The following MDGA2 variants were observed in gnomAD, a reference collection of about 807,000 sequenced individuals.
The protein encoded by MDGA2 is MAM domain containing glycosylphosphatidylinositol anchor 2.
In MDGA2, 40 loss-of-function variants were observed where a neutral mutation model predicts 117.8. The ratio of observed to expected loss-of-function variants is 0.34; its 90% CI spans 0.26 to 0.44. The LOEUF (loss-of-function observed/expected upper bound fraction) is 0.44. Among genes scored for constraint, MDGA2 ranks in the 20% least tolerant of loss-of-function variants. The pLI is 1.00. For synonymous variants in MDGA2, 452 were observed against 439.0 expected, an observed-to-expected ratio of 1.03 and a Z score of -0.37; for missense variants, 1,123 against 1,250.6, an observed-to-expected ratio of 0.90 and a Z score of 1.54.
At chr14:47,306,704 A>C (rs1014895609) in intron 1 of MDGA2, among the ~76,000 whole-genome samples, 1 of 152,162 alleles carries the variant, frequency 6.6e-6, no homozygotes, top group African/African-American at 2.4e-5. Context: ...AGTAGTGTGG[A>C]GAGAAGGATG....
chr14:47,415,859 G>T (rs138046760), intron 1 of MDGA2, among the ~76,000 whole-genome samples: 13 of 152,158 alleles, frequency 8.5e-5, no homozygotes, highest in Admixed American at 2.0e-4. Context: ...ACCTCTCTGG[G>T]GCCTCTTTTA....
chr14:46,905,435 G>A (rs751146670), intron 10 of MDGA2, among the ~76,000 whole-genome samples: 41 of 151,814 alleles, frequency 2.7e-4, no homozygotes, highest in African/African-American at 8.9e-4. Flanking sequence ...TATTTAAGTC[G>A]TTTTGAGATT....
chr14:47,053,884 A>T (rs1370280648), intron 7 of MDGA2, among the ~76,000 whole-genome samples: 1 of 151,798 alleles, frequency 6.6e-6, no homozygotes, highest in South Asian at 2.1e-4. Flanking sequence ...TTAAAACACT[A>T]TTTGGAAATC....
chr14:46,934,594 G>C (rs1187939141), intron 9 of MDGA2, among the ~76,000 whole-genome samples: 1 of 152,078 alleles, frequency 6.6e-6, no homozygotes, highest in Non-Finnish European at 1.5e-5. Flanking sequence ...TTGTCAGAAG[G>C]AAGAGAAGTT....
At chr14:47,128,024 G>A (rs1210933853) in intron 5 of MDGA2, among the ~76,000 whole-genome samples, 1 of 152,040 alleles carries the variant, frequency 6.6e-6, no homozygotes, top group Non-Finnish European at 1.5e-5. Context: ...TTCAAACACT[G>A]GAGTCAATCT....
chr14:47,480,371 T>C (rs191216855), intron 1 of MDGA2, among the ~76,000 whole-genome samples: 115 of 152,130 alleles, frequency 7.6e-4, no homozygotes, highest in African/African-American at 2.6e-3. Context: ...GCATGTCTTC[T>C]AAGCCTAAGC....
intron 1 of MDGA2, among the ~76,000 whole-genome samples, chr14:47,487,546 C>A (rs1031501420): frequency 1.3e-5 from 2 of 152,112 alleles, no homozygotes; most frequent in African/African-American, 4.8e-5. Context: ...ACTGAATAGT[C>A]ATAATTATTA....
intron 1 of MDGA2, among the ~76,000 whole-genome samples, chr14:47,525,820 T>C (rs960302327): frequency 2.6e-5 from 4 of 151,760 alleles, no homozygotes; most frequent in Admixed American, 2.0e-4. Flanking sequence ...CCTCCTGGAG[T>C]GTACAGACTT....
At chr14:47,170,429 C>T (rs1884073756) in intron 3 of MDGA2, among the ~76,000 whole-genome samples, 1 of 152,028 alleles carries the variant, frequency 6.6e-6, no homozygotes, top group African/African-American at 2.4e-5. Context: ...GACATTTCAC[C>T]CAACTTTTAC....
intron 3 of MDGA2, among the ~76,000 whole-genome samples, chr14:47,187,916 GTTGT>G (rs1417310544): frequency 6.7e-6 from 1 of 148,830 alleles, no homozygotes; most frequent in Non-Finnish European, 1.5e-5. Context: ...ATTAAAGTAG[GTTGT>G]GTGTGTGTGT....
Position 47,431,631 on chromosome 14 carries a change from G to A in MDGA2, c.281-130081C>T, listed in dbSNP as rs566389978. On this transcript the variant is annotated intron_variant, in intron 1 of 16. Coordinates refer to ENST00000399232, the MANE Select transcript of MDGA2 (RefSeq NM_001113498.3). ...TCATGTTTAAAATCCTACCCAGAGT[G>A]CTGTTTTTCCTTTGCACAAATGAGG... Among the ~76,000 whole-genome samples the A allele has an allele frequency of 1.6e-4, 24 of 151,996 alleles. No individual in the cohort carries two copies. The South Asian group carries it at 5.0e-3, about 32-fold the overall frequency.
At chr14:46,865,039 G>C (rs929730190) in intron 14 of MDGA2, among the ~76,000 whole-genome samples, 2 of 151,938 alleles carry the variant, frequency 1.3e-5, no homozygotes, top group Non-Finnish European at 2.9e-5. Flanking sequence ...CCCAATATGT[G>C]AGCTGATTTC....
chr14:47,001,758 T>C (rs1191978986), intron 8 of MDGA2, among the ~76,000 whole-genome samples: 3 of 152,154 alleles, frequency 2.0e-5, no homozygotes, highest in East Asian at 3.9e-4. Context: ...CCTGGTTAGG[T>C]TACTGAAATG....
intron 14 of MDGA2, among the ~76,000 whole-genome samples, chr14:46,864,397 G>A (rs7401194): frequency 6.6e-6 from 1 of 150,608 alleles, no homozygotes; most frequent in African/African-American, 2.4e-5. Flanking sequence ...TTATTTTTAT[G>A]TCTTTACATT....
At chr14:47,391,755 A>G (rs1891900023) in intron 1 of MDGA2, among the ~76,000 whole-genome samples, 1 of 152,194 alleles carries the variant, frequency 6.6e-6, no homozygotes, top group Non-Finnish European at 1.5e-5. Flanking sequence ...ACACCAGCAA[A>G]TACTAGAAAC....
chr14:47,163,984 T>C (rs146772812), intron 3 of MDGA2, among the ~76,000 whole-genome samples: 135 of 152,308 alleles, frequency 8.9e-4, no homozygotes, highest in African/African-American at 3.0e-3. Context: ...TGCTTCTCCA[T>C]GTCATCTAGC....
intron 3 of MDGA2, among the ~76,000 whole-genome samples, chr14:47,190,164 T>C (rs1885057204): frequency 6.6e-6 from 1 of 152,182 alleles, no homozygotes; most frequent in East Asian, 1.9e-4. Flanking sequence ...ATGCCAGATC[T>C]TCCTTTTGTT....
Position 47,343,609 on chromosome 14 carries a change from G to A in MDGA2, c.281-42059C>T, listed in dbSNP as rs1189160611. ...CTCTAACAAAAAGGAAGACCCAAAG[G>A]AACAAAGATGCCATTTTCATTAATT... On this transcript the variant is annotated intron_variant, in intron 1 of 16. Transcript: ENST00000399232. 2.6e-5 allele frequency among the ~76,000 whole-genome samples: 4 copies of A among 151,758 alleles called. No homozygotes were observed. The East Asian group carries it at 5.8e-4, about 22-fold the overall frequency.
chr14:47,218,885 C>T (rs1886197796), intron 2 of MDGA2, among the ~76,000 whole-genome samples: 1 of 152,016 alleles, frequency 6.6e-6, no homozygotes, highest in Non-Finnish European at 1.5e-5. Flanking sequence ...ATATCTAAAA[C>T]ATTTCATTAT....
Sources: allele counts gnomAD v4.1 joint callset (sites outside exome capture counted in the v4.1 genomes callset), GRCh38; gene constraint gnomAD v4.1.1; transcripts MANE v1.5; gene names NCBI Gene and HGNC (gene_info 2026-07-23, HGNC 2026-07-21).